Variants in RHOBTB1 observed in about 807,000 individuals in gnomAD.
RHOBTB1 encodes rho-related BTB domain-containing protein 1.
Under a neutral mutation model 71.6 loss-of-function variants are expected in RHOBTB1, and 40 were observed. That is an observed-to-expected ratio of 0.56 (90% CI 0.43 to 0.73). RHOBTB1 has a LOEUF of 0.73. RHOBTB1 is among the 30% of genes least tolerant of loss of function. The pLI is 0.00. For synonymous variants in RHOBTB1, 319 were observed against 334.9 expected (o/e 0.95, Z 0.52); for missense variants, 797 against 894.0 (o/e 0.89, Z 1.38).
At chr10:60,935,913 C>A (rs1435494962) in intron 2 of RHOBTB1, among the ~76,000 whole-genome samples, 1 of 152,038 alleles carries the variant, frequency 6.6e-6, no homozygotes, top group Non-Finnish European at 1.5e-5. Context: ...TTGAAATTGG[C>A]CATGGTGGGA....
chr10:60,926,546 T>G (rs1036434627), intron 2 of RHOBTB1, among the ~76,000 whole-genome samples: 4 of 152,182 alleles, frequency 2.6e-5, no homozygotes, highest in African/African-American at 9.7e-5. Context: ...TCAAGTGAAA[T>G]TCATCCCAGG....
At chr10:60,894,673 A>C (rs984898586) in intron 4 of RHOBTB1, among the ~76,000 whole-genome samples, 1 of 152,208 alleles carries the variant, frequency 6.6e-6, no homozygotes, top group African/African-American at 2.4e-5. Context: ...CCTGAACACA[A>C]AATAAAGCCA....
intron 2 of RHOBTB1, among the ~76,000 whole-genome samples, chr10:60,915,026 CTTT>C (rs2083194925): frequency 6.6e-6 from 1 of 152,124 alleles, no homozygotes; most frequent in Non-Finnish European, 1.5e-5. Context: ...TACTGAAAAT[CTTT>C]TATTTGGAGT....
At chr10:60,915,646 G>A (rs921871041) in intron 2 of RHOBTB1, among the ~76,000 whole-genome samples, 1 of 152,204 alleles carries the variant, frequency 6.6e-6, no homozygotes, top group Non-Finnish European at 1.5e-5. Context: ...AGGTGGGGAA[G>A]TGAAGGGCAT....
intron 2 of RHOBTB1, among the ~76,000 whole-genome samples, chr10:60,957,064 C>T (rs2085620618): frequency 6.6e-6 from 1 of 152,152 alleles, no homozygotes; most frequent in African/African-American, 2.4e-5. Context: ...TCTTCTGGGG[C>T]AATAACATAT....
intron 2 of RHOBTB1, among the ~76,000 whole-genome samples, chr10:60,913,783 T>A (rs1177650225): frequency 6.6e-6 from 1 of 152,184 alleles, no homozygotes; most frequent in Non-Finnish European, 1.5e-5. Context: ...TGAGTTTGAA[T>A]CCTAGCTCCC....
chr10:60,917,758 C>T (rs573687062), intron 2 of RHOBTB1, among the ~76,000 whole-genome samples: 5 of 152,070 alleles, frequency 3.3e-5, no homozygotes, highest in African/African-American at 7.2e-5. Flanking sequence ...CACCCTGTAG[C>T]ACTATCTCTG....
intron 1 of RHOBTB1, among the ~76,000 whole-genome samples, chr10:60,998,162 T>A (rs1204928935): frequency 6.6e-6 from 1 of 152,216 alleles, no homozygotes; most frequent in African/African-American, 2.4e-5. Flanking sequence ...TCCATTATGG[T>A]ACTCAGATCT....
At chr10:60,967,288 T>G (rs983329910) in intron 2 of RHOBTB1, among the ~76,000 whole-genome samples, 2 of 149,300 alleles carry the variant, frequency 1.3e-5, no homozygotes, top group African/African-American at 4.9e-5. Context: ...TTTGCCTGTT[T>G]TTTTTTTTTT....
At chr10:60,988,562 T>C (rs941808644) in intron 1 of RHOBTB1, among the ~76,000 whole-genome samples, 2 of 152,080 alleles carry the variant, frequency 1.3e-5, no homozygotes, top group African/African-American at 4.8e-5. Flanking sequence ...CAGTATTTGG[T>C]TTACCAGTTC....
At chr10:60,861,999 A>G in the RHOBTB1 span, among the ~76,000 whole-genome samples, 6 of 152,130 alleles carry the variant, frequency 3.9e-5, no homozygotes, top group East Asian at 1.9e-4. Context: ...GATCTTTGTT[A>G]GTTTATTAAA....
chr10:60,959,805 C>T (rs960234565), intron 2 of RHOBTB1, among the ~76,000 whole-genome samples: 1 of 152,120 alleles, frequency 6.6e-6, no homozygotes, highest in Admixed American at 6.6e-5. Flanking sequence ...CTATTCTTTA[C>T]CATCTAAGTG....
intron 5 of RHOBTB1, among the ~76,000 whole-genome samples, chr10:60,889,534 C>A (rs1221406183): frequency 1.3e-5 from 2 of 151,976 alleles, no homozygotes; most frequent in Non-Finnish European, 2.9e-5. Context: ...TGTGTATTGA[C>A]CTTTTATCCT....
intron 1 of RHOBTB1, among the ~76,000 whole-genome samples, chr10:60,986,137 T>G (rs1455208419): frequency 2.6e-5 from 4 of 152,000 alleles, no homozygotes; most frequent in Non-Finnish European, 4.4e-5. Context: ...GACTACTGCC[T>G]TTGGAGACAG....
At chr10:60,907,063 T>G (rs2082715975) in intron 4 of RHOBTB1, among the ~76,000 whole-genome samples, 1 of 152,228 alleles carries the variant, frequency 6.6e-6, no homozygotes. Flanking sequence ...ACATGCTCTC[T>G]CTCTTGCCTG....
chr10:60,905,441 C>T (rs1291974458), intron 4 of RHOBTB1, among the ~76,000 whole-genome samples: 3 of 94,788 alleles, frequency 3.2e-5, no homozygotes, highest in Non-Finnish European at 5.5e-5. Flanking sequence ...TAGTGAGAGA[C>T]TCTTTCTCAA....
intron 4 of RHOBTB1, among the ~76,000 whole-genome samples, chr10:60,901,431 G>A (rs1211641630): frequency 2.0e-5 from 3 of 152,184 alleles, no homozygotes; most frequent in Non-Finnish European, 4.4e-5. Flanking sequence ...CACTAAGAGT[G>A]TATCTTGTAT....
chr10:60,938,093 A>C (rs773168313), intron 2 of RHOBTB1, among the ~76,000 whole-genome samples: 1 of 152,236 alleles, frequency 6.6e-6, no homozygotes, highest in Non-Finnish European at 1.5e-5. Context: ...GGAAGGGTTT[A>C]TGTAACAAAG....
At chr10:60,900,675 C>A (rs1329358085) in intron 4 of RHOBTB1, among the ~76,000 whole-genome samples, 1 of 152,104 alleles carries the variant, frequency 6.6e-6, no homozygotes, top group Non-Finnish European at 1.5e-5. Flanking sequence ...GTAAAACCTG[C>A]ATATACAAAT....
Sources: allele counts gnomAD v4.1 joint callset (sites outside exome capture counted in the v4.1 genomes callset), GRCh38; gene constraint gnomAD v4.1.1; transcripts MANE v1.5; gene names NCBI Gene and HGNC (gene_info 2026-07-23, HGNC 2026-07-21).